ENPP3: variants seen among roughly 807,000 people sequenced by gnomAD.
ENPP3 encodes the protein ectonucleotide pyrophosphatase/phosphodiesterase 3.
ENPP3 carries 104 observed loss-of-function variants against 117.8 expected under a neutral mutation model. The ratio of observed to expected loss-of-function variants is 0.88; its 90% CI spans 0.75 to 1.04. The LOEUF (loss-of-function observed/expected upper bound fraction) is 1.04. Ranked by LOEUF, ENPP3 falls within the 50% of genes least tolerant of loss-of-function variation. ENPP3 has a pLI of 0.00. For missense variants in ENPP3, 1,026 were observed against 1,051.9 expected, an observed-to-expected ratio of 0.98 and a Z score of 0.34; for synonymous variants, 380 against 349.9, an observed-to-expected ratio of 1.09 and a Z score of -0.96.
Position 131,718,672 on chromosome 6 carries a change from G to T in ENPP3, c.1413G>T (p.Arg471Ser). The change falls in exon 16 of 25, where the codon AGG becomes AGT. Residue 471 changes from arginine (R) to serine (S), a missense_variant and splice_region_variant. Coordinates refer to ENST00000357639, the MANE Select transcript of ENPP3 (RefSeq NM_005021.5). ...GTGTAATAATATTTTTTCTTTATAG[G>T]AGTAAATCAAATACAAATTGTGGAG... is the stretch of plus-strand genomic sequence containing the variant. The part of the protein sequence containing the change: ...LFVDQQWLAV[R>S]SKSNTNCGGG... The T allele has an allele frequency of 6.4e-7, 1 of 1,553,392 alleles. No homozygotes were observed. Among genetic ancestry groups the T allele is most frequent in the Non-Finnish European group, 8.9e-7 (1 of 1,127,346 alleles).
At chr6:131,728,679 C>G (rs1034437337) in intron 20 of ENPP3, among the ~76,000 whole-genome samples, 1 of 152,120 alleles carries the variant, frequency 6.6e-6, no homozygotes, top group African/African-American at 2.4e-5. Flanking sequence ...TAAATAAGCA[C>G]TTTTTGGAAC....
intron 20 of ENPP3, among the ~76,000 whole-genome samples, chr6:131,730,176 T>C (rs914179623): frequency 6.6e-6 from 1 of 152,208 alleles, no homozygotes; most frequent in African/African-American, 2.4e-5. Flanking sequence ...ACGATAAAGA[T>C]GTGTGTTAGG....
At chr6:131,653,419 A>T (rs902345889) in intron 5 of ENPP3, among the ~76,000 whole-genome samples, 2 of 149,800 alleles carry the variant, frequency 1.3e-5, no homozygotes, top group Non-Finnish European at 2.9e-5. Flanking sequence ...AAATGCTGGG[A>T]TTCCAGGCAT....
chr6:131,728,025 C>A (rs560071683), intron 20 of ENPP3, among the ~76,000 whole-genome samples: 1 of 152,118 alleles, frequency 6.6e-6, no homozygotes, highest in African/African-American at 2.4e-5. Flanking sequence ...GTCAATGGTT[C>A]GATTGTGGTC....
chr6:131,701,872 A>C (rs1157479656), intron 15 of ENPP3, among the ~76,000 whole-genome samples: 2 of 147,128 alleles, frequency 1.4e-5, no homozygotes, highest in South Asian at 4.2e-4. Context: ...ACAGAGCCAG[A>C]CTCTGTCTCC....
chr6:131,693,370 A>T, intron 14 of ENPP3, 127 bp from the exon 15 acceptor site: 1 of 746,140 alleles, frequency 1.3e-6, no homozygotes, highest in South Asian at 2.0e-5. Context: ...TAATATTCCT[A>T]TTGTATTAGC....
rs377128511 is a variant in ENPP3, at chr6:131,658,532, A to G, written c.562+112A>G. 381 of 634,334 alleles carry G rather than the reference A, an allele frequency of 6.0e-4. 3 individuals are homozygous for G. The South Asian group carries it at 7.3e-3, about 12-fold the overall frequency. The allele number at this position is 634,334 out of a possible 1,614,324, so 39.3% of individuals were successfully genotyped here. A position where few individuals can be genotyped will look rare whatever the true frequency, so the allele number is the denominator to read the frequency against. On this transcript the variant is annotated intron_variant, in intron 6 of 24. Coordinates refer to ENST00000357639, the MANE Select transcript of ENPP3 (RefSeq NM_005021.5). ...TAACGCTGGTGGTTTGTCTTAGCCT[A>G]GATCCTCTCTGACTTTACCACATGG...
intron 1 of ENPP3, among the ~76,000 whole-genome samples, chr6:131,640,545 C>A (rs1778019225): frequency 6.6e-6 from 1 of 151,996 alleles, no homozygotes; most frequent in South Asian, 2.1e-4. Flanking sequence ...TGAAAACAAT[C>A]CTCAAAAAAA....
At position 131,722,381 on chromosome 6, in the gene ENPP3, C is replaced by A. The variant is rs367755420; in HGVS notation, c.1722C>A (p.Asp574Glu). Reference protein sequence around the residue: ...FANPLPTESLDCFCPHLQNST... With the variant: ...FANPLPTESLECFCPHLQNST... ...ATCCATTGCCCACAGAGTCTCTTGA[C>A]TGTTTCTGCCCTCACCTACAAAATG... Residue 574 changes from aspartate to glutamate, a missense_variant, in exon 18 of 25, where the codon GAC becomes GAA. Coordinates refer to ENST00000357639, the MANE Select transcript of ENPP3 (RefSeq NM_005021.5). The A allele has an allele frequency of 1.9e-6, 3 of 1,613,806 alleles. No homozygotes were observed. The African/African-American group carries it at 4.0e-5, about 22-fold the overall frequency.
At chr6:131,729,866 C>CA (rs1045291742) in intron 20 of ENPP3, among the ~76,000 whole-genome samples, 2 of 145,684 alleles carry the variant, frequency 1.4e-5, no homozygotes, top group Non-Finnish European at 3.0e-5. Flanking sequence ...GAAAATGTGA[C>CA]TTTTTTTTTT....
chr6:131,680,990 A>G (rs756461854), intron 11 of ENPP3, among the ~76,000 whole-genome samples: 20 of 151,910 alleles, frequency 1.3e-4, no homozygotes, highest in Middle Eastern at 3.2e-3. Flanking sequence ...AAAGAGTCCA[A>G]TGGCAGCCAT....
intron 8 of ENPP3, 38 bp downstream of exon 8, chr6:131,674,319 C>A (rs1019682096): frequency 6.2e-7 from 1 of 1,604,268 alleles, no homozygotes; most frequent in African/African-American, 1.3e-5. Context: ...GAAGTAACCT[C>A]CATTTCTCAG....
chr6:131,680,833 G>C (rs946102822), intron 11 of ENPP3, among the ~76,000 whole-genome samples: 1 of 152,288 alleles, frequency 6.6e-6, no homozygotes. Flanking sequence ...GTTGGGAACT[G>C]GCATTTCACA....
chr6:131,661,280 T>A (rs1223384177), intron 6 of ENPP3, among the ~76,000 whole-genome samples: 1 of 152,070 alleles, frequency 6.6e-6, no homozygotes, highest in Non-Finnish European at 1.5e-5. Context: ...ATTTTTACGT[T>A]TTTGAGAAAC....
At chr6:131,668,768 T>C (rs1425023281) in intron 6 of ENPP3, among the ~76,000 whole-genome samples, 1 of 152,248 alleles carries the variant, frequency 6.6e-6, no homozygotes, top group Non-Finnish European at 1.5e-5. Flanking sequence ...TTTCCTGGTC[T>C]TCCTACTTTT....
At chr6:131,713,411 C>A (rs567911704) in intron 15 of ENPP3, among the ~76,000 whole-genome samples, 8,260 of 148,678 alleles carry the variant, frequency 0.056, 410 homozygotes, top group African/African-American at 0.13. Context: ...GTCAAGTAGC[C>A]AAGTCACATA....
intron 15 of ENPP3, among the ~76,000 whole-genome samples, chr6:131,697,941 G>A (rs1422508421): frequency 6.6e-6 from 1 of 152,182 alleles, no homozygotes; most frequent in Non-Finnish European, 1.5e-5. Context: ...TGGGGATGGT[G>A]AAACTATATA....
At position 131,688,896 on chromosome 6, in the gene ENPP3, C is replaced by CAAA. The variant is rs34743742; in HGVS notation, c.1284+3008_1284+3010dup. Among the ~76,000 whole-genome samples the CAAA allele has an allele frequency of 8.7e-3, 767 of 88,230 alleles. 2 individuals are homozygous for CAAA. Among genetic ancestry groups the CAAA allele is most frequent in the Middle Eastern group, 0.025 (4 of 158 alleles). 57.9% of individuals were successfully genotyped at this position (88,230 alleles called of 152,430 possible). ...GTGAAACCCGTCTCTACTAAAAATC[C>CAAA]AAAAAAAAAAAAAAAAAAAAATAGC... On this transcript the variant is annotated intron_variant, in intron 14 of 24. Coordinates refer to ENST00000357639, the MANE Select transcript of ENPP3 (RefSeq NM_005021.5).
rs1206644742 is a variant in ENPP3 at position 131,655,429 on chromosome 6, G to T, written c.464+2538G>T. Reference sequence around the variant, plus strand: ...CTTGCCCAGTGCTGCATTCCTAGTGGTTGCTGGAAGCAGGAAGCAAACCCA... The same window carrying T: ...CTTGCCCAGTGCTGCATTCCTAGTGTTTGCTGGAAGCAGGAAGCAAACCCA... On this transcript the variant is annotated intron_variant, in intron 5 of 24. Coordinates refer to ENST00000357639, the MANE Select transcript of ENPP3 (RefSeq NM_005021.5). 2.6e-5 allele frequency among the ~76,000 whole-genome samples: 4 copies of T among 152,286 alleles called. No individual in the cohort carries two copies. In the East Asian group the frequency reaches 5.8e-4, roughly 22 times the overall value.
Sources: gnomAD v4.1 joint callset for allele counts (sites outside exome capture counted in the v4.1 genomes callset) on GRCh38, gnomAD v4.1.1 for gene constraint, MANE v1.5 for transcripts, NCBI Gene and HGNC (gene_info 2026-07-23, HGNC 2026-07-21) for gene names.